The following ADK variants were observed in gnomAD, a reference collection of about 807,000 sequenced individuals.
ADK encodes adenosine kinase, also known as N6,N6-dimethyladenosine kinase.
A neutral mutation model predicts 44.7 loss-of-function variants in ADK; 24 were observed. The observed-to-expected ratio is 0.54, with a 90% CI of 0.39 to 0.76. ADK has a LOEUF of 0.76. Among genes scored for constraint, ADK ranks in the 30% least tolerant of loss-of-function variants. ADK has a pLI of 0.00. For missense variants in ADK, 321 were observed against 425.1 expected (o/e 0.76, Z 2.15); for synonymous variants, 128 against 142.6 (o/e 0.90, Z 0.73).
chr10:74,393,162 T>A (rs751834646), intron 4 of ADK, among the ~76,000 whole-genome samples: 1 of 152,184 alleles, frequency 6.6e-6, no homozygotes, highest in South Asian at 2.1e-4. Flanking sequence ...CAAATATGCA[T>A]GTATTTCTTT....
At chr10:74,237,265 C>T (rs1203982120) in intron 3 of ADK, among the ~76,000 whole-genome samples, 5 of 152,260 alleles carry the variant, frequency 3.3e-5, no homozygotes, top group Middle Eastern at 3.4e-3. Flanking sequence ...GCATCTTCAC[C>T]AGGAGTACAT....
At chr10:74,519,327 A>G (rs1848717784) in intron 6 of ADK, among the ~76,000 whole-genome samples, 1 of 152,024 alleles carries the variant, frequency 6.6e-6, no homozygotes, top group South Asian at 2.1e-4. Flanking sequence ...TAATGAAAGT[A>G]AATTAAAAAT....
At position 74,178,231 on chromosome 10, in the gene ADK, C is replaced by G. The variant is rs564537548; in HGVS notation, c.66-22533C>G. ...TGTTGGGATTACAGGAGTGAGCCAC[C>G]GCTACTGGTCTAAATTGCTTCATTC... On this transcript the variant is annotated intron_variant, in intron 1 of 10. Transcript: ENST00000539909. Among the ~76,000 whole-genome samples the G allele has an allele frequency of 3.9e-5, 6 of 152,156 alleles. No individual in the cohort carries two copies. The South Asian group carries it at 1.0e-3, about 26-fold the overall frequency.
At chr10:74,366,359 C>T (rs1015803645) in intron 4 of ADK, among the ~76,000 whole-genome samples, 1 of 152,164 alleles carries the variant, frequency 6.6e-6, no homozygotes, top group Non-Finnish European at 1.5e-5. Context: ...GTCATTTCCT[C>T]TGCCAATTAA....
intron 6 of ADK, among the ~76,000 whole-genome samples, chr10:74,434,868 A>G (rs1845128287): frequency 6.6e-6 from 1 of 152,250 alleles, no homozygotes; most frequent in Non-Finnish European, 1.5e-5. Context: ...GTGCACGATC[A>G]TCAGATTTCT....
chr10:74,198,105 C>G (rs1415887409), intron 1 of ADK, among the ~76,000 whole-genome samples: 2 of 151,974 alleles, frequency 1.3e-5, no homozygotes, highest in African/African-American at 4.8e-5. Flanking sequence ...ACTGCTCATC[C>G]TTGTTTTTTT....
chr10:74,276,324 A>G (rs975175775), intron 3 of ADK, among the ~76,000 whole-genome samples: 1 of 152,150 alleles, frequency 6.6e-6, no homozygotes, highest in Non-Finnish European at 1.5e-5. Flanking sequence ...CCATATTCCC[A>G]GTAAAGCTCT....
intron 1 of ADK, among the ~76,000 whole-genome samples, chr10:74,172,906 A>C (rs1382746913): frequency 2.2e-4 from 3 of 13,948 alleles, no homozygotes; most frequent in Non-Finnish European, 5.5e-4. Context: ...CTCCATGTCA[A>C]AAAAAAAAAA....
At position 74,327,367 on chromosome 10, in the gene ADK, A is replaced by G. The variant is rs182751569; in HGVS notation, c.273+12622A>G. 1.4e-3 allele frequency among the ~76,000 whole-genome samples: 207 copies of G among 152,288 alleles called. 1 individual carries two copies. The highest frequency in any genetic ancestry group is 2.6e-3 in the Non-Finnish European group (176 of 68,012). Reference sequence around the variant, plus strand: ...CCATTGTGATCGGAAAATATAATCTATGATTTTGAACTGAAACTTGTTAAG... The same window carrying G: ...CCATTGTGATCGGAAAATATAATCTGTGATTTTGAACTGAAACTTGTTAAG... On this transcript the variant is annotated intron_variant, in intron 4 of 10. Transcript: ENST00000539909.
intron 10 of ADK, 58 bp from the exon 11 acceptor site, chr10:74,708,263 A>G: frequency 6.3e-7 from 1 of 1,585,546 alleles, no homozygotes. Flanking sequence ...CTGACCCAAT[A>G]TGACATTTCT....
intron 6 of ADK, among the ~76,000 whole-genome samples, chr10:74,455,979 C>T (rs1845930686): frequency 6.6e-6 from 1 of 152,052 alleles, no homozygotes; most frequent in African/African-American, 2.4e-5. Flanking sequence ...TACATTGTGT[C>T]TGGGGGTTGT....
At chr10:74,411,534 T>A (rs1844177252) in intron 6 of ADK, among the ~76,000 whole-genome samples, 2 of 152,348 alleles carry the variant, frequency 1.3e-5, no homozygotes, top group South Asian at 4.1e-4. Context: ...ATAAACATAC[T>A]TTAATTAAAA....
At chr10:74,407,326 A>AT (rs763152303) in intron 6 of ADK, among the ~76,000 whole-genome samples, 1 of 152,206 alleles carries the variant, frequency 6.6e-6, no homozygotes, top group South Asian at 2.1e-4. Flanking sequence ...CATTAATCTC[A>AT]TCCAGTTGAC....
At chr10:74,582,747 T>C (rs1010868010) in intron 7 of ADK, among the ~76,000 whole-genome samples, 1 of 152,178 alleles carries the variant, frequency 6.6e-6, no homozygotes, top group East Asian at 1.9e-4. Flanking sequence ...TTTATAGCTG[T>C]GCATTGCCCC....
chr10:74,210,456 C>T (rs1214551152), intron 2 of ADK, among the ~76,000 whole-genome samples: 3 of 151,106 alleles, frequency 2.0e-5, no homozygotes, highest in African/African-American at 7.3e-5. Context: ...TTTTATTAAT[C>T]TGAGTATGCA....
intron 6 of ADK, among the ~76,000 whole-genome samples, chr10:74,419,723 T>A (rs949676910): frequency 6.6e-6 from 1 of 152,122 alleles, no homozygotes; most frequent in Non-Finnish European, 1.5e-5. Flanking sequence ...TTTAGGGAGT[T>A]TTTTAAAGAG....
chr10:74,547,765 TCTC>T (rs1192448932), intron 7 of ADK, among the ~76,000 whole-genome samples: 4 of 152,274 alleles, frequency 2.6e-5, no homozygotes, highest in Non-Finnish European at 4.4e-5. Flanking sequence ...TTGAAGCAAT[TCTC>T]CTGCCTCAGC....
At chr10:74,604,249 G>A (rs888589832) in intron 9 of ADK, among the ~76,000 whole-genome samples, 7 of 152,154 alleles carry the variant, frequency 4.6e-5, no homozygotes, top group African/African-American at 1.7e-4. Flanking sequence ...AAGCTCTTTA[G>A]TTTAATTGGA....
intron 4 of ADK, among the ~76,000 whole-genome samples, chr10:74,375,633 C>G (rs1450846006): frequency 6.6e-6 from 1 of 152,080 alleles, no homozygotes; most frequent in Non-Finnish European, 1.5e-5. Flanking sequence ...CAAGGGGGGC[C>G]AGAATGGCAA....
Sources: gnomAD v4.1 joint callset for allele counts (sites outside exome capture counted in the v4.1 genomes callset) on GRCh38, gnomAD v4.1.1 for gene constraint, MANE v1.5 for transcripts, NCBI Gene and HGNC (gene_info 2026-07-23, HGNC 2026-07-21) for gene names.